ARHGAP8: variants seen among roughly 807,000 people sequenced by gnomAD.
The protein encoded by ARHGAP8 is rho GTPase-activating protein 8.
Under a neutral mutation model 46.1 loss-of-function variants are expected in ARHGAP8, and 62 were observed. That is an observed-to-expected ratio of 1.34 (90% CI 1.10 to 1.66). The LOEUF is 1.66. Ranked by LOEUF, ARHGAP8 falls within the 40% of genes most tolerant of loss-of-function variation. The probability of loss-of-function intolerance (pLI) is 0.00; values close to 1 mark genes in which losing one functional copy is unlikely to be tolerated. For missense variants in ARHGAP8, 923 were observed against 568.4 expected (o/e 1.62, Z -6.34); for synonymous variants, 375 against 243.1 (o/e 1.54, Z -5.05).
intron 2 of ARHGAP8, among the ~76,000 whole-genome samples, chr22:44,791,409 TA>T (rs1271914791): frequency 1.3e-5 from 2 of 152,090 alleles, no homozygotes; most frequent in Non-Finnish European, 2.9e-5. Context: ...TTCACTTATT[TA>T]AAACCCAGCT....
chr22:44,827,336 G>GGTTTTTT (rs1223857467), intron 7 of ARHGAP8, among the ~76,000 whole-genome samples: 2 of 67,268 alleles, frequency 3.0e-5, no homozygotes, highest in African/African-American at 1.2e-4. Context: ...TTGGGTGGTG[G>GGTTTTTT]TTTTTTTTTT....
At chr22:44,757,455 T>A (rs566773003) in intron 1 of ARHGAP8, among the ~76,000 whole-genome samples, 213 of 152,176 alleles carry the variant, frequency 1.4e-3, no homozygotes, top group African/African-American at 5.0e-3. Flanking sequence ...TTTTGTATTT[T>A]TAATAGAGAC....
At chr22:44,825,421 G>A in intron 6 of ARHGAP8, 62 bp from the exon 7 acceptor site, 1 of 1,559,432 alleles carries the variant, frequency 6.4e-7, no homozygotes, top group Non-Finnish European at 8.7e-7. Flanking sequence ...GCCCCACCCA[G>A]CGCCTCCGTG....
At chr22:44,819,850 G>C (rs1930002046) in intron 5 of ARHGAP8, among the ~76,000 whole-genome samples, 1 of 152,212 alleles carries the variant, frequency 6.6e-6, no homozygotes, top group African/African-American at 2.4e-5. Flanking sequence ...CGCACCATGA[G>C]AGGGGGCGTG....
intron 1 of ARHGAP8, among the ~76,000 whole-genome samples, chr22:44,769,801 A>G (rs1569135790): frequency 6.6e-6 from 1 of 152,202 alleles, no homozygotes; most frequent in Non-Finnish European, 1.5e-5. Flanking sequence ...AAACAGTTTC[A>G]TTGATTCAAG....
intron 7 of ARHGAP8, among the ~76,000 whole-genome samples, chr22:44,832,749 T>C (rs5766075): frequency 0.13 from 19,351 of 152,176 alleles, 1,566 homozygotes; most frequent in East Asian, 0.31. Flanking sequence ...TTTTATTGCC[T>C]GATTATGCCT....
At chr22:44,841,690 C>T (rs2285122) in intron 7 of ARHGAP8, among the ~76,000 whole-genome samples, 1 of 152,184 alleles carries the variant, frequency 6.6e-6, no homozygotes, top group African/African-American at 2.4e-5. Context: ...CTCCATGTAC[C>T]TGCATTTTGG....
chr22:44,799,937 G>C (rs1170009509), intron 2 of ARHGAP8, among the ~76,000 whole-genome samples: 1 of 133,814 alleles, frequency 7.5e-6, no homozygotes, highest in African/African-American at 2.8e-5. Context: ...GAGGAGGAAA[G>C]TCTGAACCAT....
At chr22:44,837,581 C>T (rs965864677) in intron 7 of ARHGAP8, among the ~76,000 whole-genome samples, 4 of 152,172 alleles carry the variant, frequency 2.6e-5, no homozygotes, top group African/African-American at 9.7e-5. Flanking sequence ...CCTGGGCATC[C>T]CCACCCAGCC....
Position 44,859,817 on chromosome 22 carries a change from A to AG in ARHGAP8, c.964_965insG (p.Met322SerfsTer20). The AG allele has an allele frequency of 6.2e-7, 1 of 1,613,050 alleles. No homozygotes were observed. The highest frequency in any genetic ancestry group is 8.5e-7 in the Non-Finnish European group (1 of 1,179,188). ...CAACTACGTCGTCCTCCGCTACCTC[A>AG]TGGGCTTCCTGCATGCGGTGAGTGG... is the stretch of plus-strand genomic sequence containing the variant. On this transcript the variant is annotated frameshift_variant, in exon 11 of 12. Coordinates refer to ENST00000356099, the MANE Select transcript of ARHGAP8 (RefSeq NM_181335.3). LOFTEE classifies it low-confidence loss of function (END_TRUNC).
rs916448599 is a variant in ARHGAP8 at position 44,862,622 on chromosome 22, G to A, written c.*27G>A. The A allele has an allele frequency of 1.3e-6, 2 of 1,530,042 alleles. No individual in the cohort carries two copies. The highest frequency in any genetic ancestry group is 1.4e-5 in the African/African-American group (1 of 72,554). 94.8% of individuals were successfully genotyped at this position (1,530,042 alleles called of 1,614,324 possible). A position where few individuals can be genotyped will look rare whatever the true frequency, so the allele number is the denominator to read the frequency against. On this transcript the variant is annotated 3_prime_UTR_variant, in exon 12 of 12. Coordinates refer to ENST00000356099, the MANE Select transcript of ARHGAP8 (RefSeq NM_181335.3). The stretch of plus-strand genomic sequence containing the variant: ...GTTGCGAACACTCTGTATATTTCGA[G>A]CTACCTCCCACACCTGTCTGTGCAC...
intron 7 of ARHGAP8, among the ~76,000 whole-genome samples, chr22:44,829,183 C>T (rs1338913251): frequency 1.4e-5 from 2 of 146,984 alleles, no homozygotes; most frequent in Non-Finnish European, 3.0e-5. Flanking sequence ...CCCAGCTACT[C>T]GGGAGCCTGA....
At chr22:44,808,640 A>AT (rs35386894) in intron 4 of ARHGAP8, 10,632 of 780,232 alleles carry the variant, frequency 0.014, 2 homozygotes, top group Non-Finnish European at 0.016. Context: ...GTTGGCACTC[A>AT]TTTTTTTTTT....
intron 11 of ARHGAP8, among the ~76,000 whole-genome samples, chr22:44,860,073 G>C (rs115570896): frequency 0.012 from 1,837 of 152,270 alleles, 50 homozygotes; most frequent in African/African-American, 0.042. Flanking sequence ...TGTACCTGCT[G>C]TCCCTCAGCC....
At chr22:44,861,088 C>T (rs1229304890) in intron 11 of ARHGAP8, among the ~76,000 whole-genome samples, 1 of 152,186 alleles carries the variant, frequency 6.6e-6, no homozygotes, top group Admixed American at 6.5e-5. Context: ...ACTGCAACCC[C>T]AGCCTCCCAC....
intron 5 of ARHGAP8, among the ~76,000 whole-genome samples, chr22:44,818,980 C>T (rs143227479): frequency 0.018 from 2,726 of 152,090 alleles, 94 homozygotes; most frequent in African/African-American, 0.063. Flanking sequence ...ATTATAGGAG[C>T]GCACCATGTT....
intron 2 of ARHGAP8, among the ~76,000 whole-genome samples, chr22:44,790,552 T>A (rs1927588156): frequency 6.6e-6 from 1 of 151,362 alleles, no homozygotes; most frequent in African/African-American, 2.4e-5. Context: ...GGCACATATC[T>A]GTAATCCCAG....
intron 10 of ARHGAP8, among the ~76,000 whole-genome samples, chr22:44,855,692 T>C (rs944670493): frequency 3.3e-5 from 5 of 152,152 alleles, no homozygotes; most frequent in East Asian, 1.9e-4. Context: ...ATAAGACTTT[T>C]TGTGGCCATG....
In ARHGAP8 at chr22:44,753,543, A is replaced by G. The variant is rs140384199; in HGVS notation, c.-72+916A>G. On this transcript the variant is annotated intron_variant, in intron 1 of 11. Transcript: ENST00000356099. ...GCCTAAAAGCCCAAAGTTTAAACCA[A>G]TCCGCTAGCAGCCTCGGAGGTCGTC... Among the ~76,000 whole-genome samples the G allele has an allele frequency of 3.0e-4, 42 of 139,524 alleles. No individual in the cohort carries two copies. In the East Asian group the frequency reaches 8.1e-3, roughly 27 times the overall value. The allele number at this position is 139,524 out of a possible 152,430, so 91.5% of individuals were successfully genotyped here. A position where few individuals can be genotyped will look rare whatever the true frequency, so the allele number is the denominator to read the frequency against.
Sources: gnomAD v4.1 joint callset for allele counts (sites outside exome capture counted in the v4.1 genomes callset) on GRCh38, gnomAD v4.1.1 for gene constraint, MANE v1.5 for transcripts, NCBI Gene and HGNC (gene_info 2026-07-23, HGNC 2026-07-21) for gene names.